The following ELP3 variants were observed in gnomAD, a reference collection of about 807,000 sequenced individuals.
The protein encoded by ELP3 is elongator complex protein 3.
Under a neutral mutation model 74.9 loss-of-function variants are expected in ELP3, and 56 were observed. The ratio of observed to expected loss-of-function variants is 0.75; its 90% CI spans 0.60 to 0.93. ELP3 has a LOEUF of 0.93. ELP3 is among the 40% of genes least tolerant of loss of function. ELP3 has a pLI of 0.00. For missense variants in ELP3, 573 were observed against 686.5 expected, an observed-to-expected ratio of 0.83 and a Z score of 1.85; for synonymous variants, 222 against 239.8, an observed-to-expected ratio of 0.93 and a Z score of 0.68.
chr8:28,152,014 T>G (rs1813659412), intron 10 of ELP3, among the ~76,000 whole-genome samples: 1 of 152,198 alleles, frequency 6.6e-6, no homozygotes, highest in African/African-American at 2.4e-5. Context: ...CTTACCTTAG[T>G]GTTGGTTTCT....
At chr8:28,106,600 C>CTTT (rs1811705550) in intron 3 of ELP3, 113 bp from the exon 4 acceptor site, 3 of 686,120 alleles carry the variant, frequency 4.4e-6, no homozygotes. Flanking sequence ...TTTGAAGCCC[C>CTTT]TTTTTGCCAC....
chr8:28,093,016 A>T (rs1811100272), upstream of ELP3: 14 of 837,442 alleles, frequency 1.7e-5, no homozygotes, highest in South Asian at 1.9e-4. Context: ...TAGGGGCCTC[A>T]CGGGCCGCCT....
chr8:28,139,102 G>A (rs1033504146), intron 10 of ELP3, among the ~76,000 whole-genome samples: 2 of 152,170 alleles, frequency 1.3e-5, no homozygotes, highest in Admixed American at 1.3e-4. Flanking sequence ...GAGGCGTGGT[G>A]CAGGCTGATG....
In ELP3 at chr8:28,190,104, AGT is replaced by A. The variant is rs1309495263; in HGVS notation, c.*380_*381del. ...TTGTCATTCGAGGAGCAAACTTAAG[AGT>A]AGTTTATTTATATACCCTGGGGACA... On this transcript the variant is annotated 3_prime_UTR_variant, in exon 15 of 15. Transcript: ENST00000256398. 5.8e-6 allele frequency: 1 copy of A among 172,198 alleles called. No individual in the cohort carries two copies. The highest frequency in any genetic ancestry group is 1.2e-5 in the Non-Finnish European group (1 of 80,702). 10.7% of individuals were successfully genotyped at this position (172,198 alleles called of 1,614,324 possible).
chr8:28,132,154 G>A, intron 8 of ELP3, 124 bp from the exon 9 acceptor site: 1 of 1,056,270 alleles, frequency 9.5e-7, no homozygotes, highest in Non-Finnish European at 1.4e-6. Context: ...TGGAACTTCT[G>A]TTACCTGTCT....
rs1365823464 is a variant in ELP3, at chr8:28,107,991, A to G, written c.393+15A>G. ...CTGGCTATGAGGTACAGTAACTTTG[A>G]GGCTGTCCTGATGAAATGTTGCATC... On this transcript the variant is annotated intron_variant, in intron 5 of 14. Transcript: ENST00000256398. 7 of 1,607,508 alleles carry G rather than the reference A, an allele frequency of 4.4e-6. No individual in the cohort carries two copies. The highest frequency in any genetic ancestry group is 6.0e-6 in the Non-Finnish European group (7 of 1,174,610).
intron 3 of ELP3, among the ~76,000 whole-genome samples, chr8:28,101,453 C>G (rs1811482425): frequency 6.6e-6 from 1 of 152,046 alleles, no homozygotes; most frequent in Non-Finnish European, 1.5e-5. Context: ...TTAAGAAAAA[C>G]TAATAGTCCA....
rs928980932 is a variant in ELP3, at chr8:28,190,237, A to G, written c.*512A>G. On this transcript the variant is annotated 3_prime_UTR_variant, in exon 15 of 15. Coordinates refer to ENST00000256398, the MANE Select transcript of ELP3 (RefSeq NM_018091.6). ...AAAATGAGCTTTTGTTTTCATGGAA[A>G]TCATTCTGATTACAGTGCTGATGTT... The G allele has an allele frequency of 6.5e-6, 1 of 153,474 alleles. No individual in the cohort carries two copies. Among genetic ancestry groups the G allele is most frequent in the Non-Finnish European group, 1.5e-5 (1 of 68,708 alleles). 9.5% of individuals were successfully genotyped at this position (153,474 alleles called of 1,614,324 possible).
At chr8:28,095,460 G>T (rs1811215610) in intron 1 of ELP3, among the ~76,000 whole-genome samples, 1 of 152,042 alleles carries the variant, frequency 6.6e-6, no homozygotes, top group South Asian at 2.1e-4. Context: ...CCCTTCCTCT[G>T]CCATGACCAC....
At position 28,093,177 on chromosome 8, in the gene ELP3, A is replaced by G. The variant is rs1029992354; in HGVS notation, c.-38A>G. 6 of 1,610,212 alleles carry G rather than the reference A, an allele frequency of 3.7e-6. No homozygotes were observed. The highest frequency in any genetic ancestry group is 1.3e-5 in the African/African-American group (1 of 74,992). On this transcript the variant is annotated 5_prime_UTR_variant, in exon 1 of 15. Transcript: ENST00000256398. Reference sequence around the variant, plus strand: ...CCCCGTGGTCTGAGTTTGTGGCTGCATTTTTATCTCTGGTGGCTCTGCTAC... The same window carrying G: ...CCCCGTGGTCTGAGTTTGTGGCTGCGTTTTTATCTCTGGTGGCTCTGCTAC...
intron 14 of ELP3, among the ~76,000 whole-genome samples, chr8:28,172,216 T>C (rs1254278199): frequency 6.6e-6 from 1 of 152,148 alleles, no homozygotes; most frequent in Non-Finnish European, 1.5e-5. Flanking sequence ...AGGGATTGCA[T>C]TGAATCTTTA....
Position 28,189,922 on chromosome 8 carries a change from T to G in ELP3, c.*197T>G. The G allele has an allele frequency of 1.9e-6, 1 of 516,232 alleles. No individual in the cohort carries two copies. Among genetic ancestry groups the G allele is most frequent in the Non-Finnish European group, 3.4e-6 (1 of 292,848 alleles). 32.0% of individuals were successfully genotyped at this position (516,232 alleles called of 1,614,324 possible). On this transcript the variant is annotated 3_prime_UTR_variant, in exon 15 of 15. Coordinates refer to ENST00000256398, the MANE Select transcript of ELP3 (RefSeq NM_018091.6). ...ACCACACCCCAGATCCGCCCTCTCC[T>G]GCGTGCACCCCAAAAAATCACTTGC... is the stretch of plus-strand genomic sequence containing the variant.
At chr8:28,173,427 C>G (rs1814612421) in intron 14 of ELP3, among the ~76,000 whole-genome samples, 1 of 151,826 alleles carries the variant, frequency 6.6e-6, no homozygotes, top group African/African-American at 2.4e-5. Context: ...ATTCTTATTT[C>G]TGTACAGTAA....
chr8:28,164,961 C>A (rs193019961), intron 14 of ELP3, among the ~76,000 whole-genome samples: 99 of 152,152 alleles, frequency 6.5e-4, no homozygotes, highest in Non-Finnish European at 8.2e-4. Context: ...GAATGAAAAT[C>A]TCTTTATGAC....
chr8:28,108,585 T>C (rs1811792948), intron 5 of ELP3, among the ~76,000 whole-genome samples: 1 of 151,186 alleles, frequency 6.6e-6, no homozygotes, highest in Non-Finnish European at 1.5e-5. Flanking sequence ...GCCTCCCGAG[T>C]AGCTGGGACT....
chr8:28,162,191 G>C lies in ELP3; in HGVS notation c.1567+113G>C, dbSNP rs1814124781. On this transcript the variant is annotated intron_variant, in intron 14 of 14. Transcript: ENST00000256398. ...GTTGATGGTTATTACGTTCAAAATT[G>C]AGCTGAGCTGACTGGCGAAGGACTT... 4.6e-6 allele frequency: 5 copies of C among 1,077,540 alleles called. No individual in the cohort carries two copies. The African/African-American group carries it at 4.7e-5, about 10-fold the overall frequency. The allele number at this position is 1,077,540 out of a possible 1,614,324, so 66.7% of individuals were successfully genotyped here. A position where few individuals can be genotyped will look rare whatever the true frequency, so the allele number is the denominator to read the frequency against.
In ELP3 at chr8:28,099,896, C is replaced by T; in HGVS notation, c.188C>T (p.Ala63Val). 6.2e-7 allele frequency: 1 copy of T among 1,614,186 alleles called. No homozygotes were observed. The highest frequency in any genetic ancestry group is 8.5e-7 in the Non-Finnish European group (1 of 1,180,036). The change falls in exon 3 of 15, where the codon GCC becomes GTC. Residue 63 changes from alanine to valine, a missense_variant. Coordinates refer to ENST00000256398, the MANE Select transcript of ELP3 (RefSeq NM_018091.6). The part of the protein sequence containing the change: ...AQPRLVDIIA[A>V]VPPQYRKVLM... ...CCCCGCCTGGTGGATATCATTGCTG[C>T]CGTCCCTCCTCAGTATCGCAAGGTC...
intron 14 of ELP3, among the ~76,000 whole-genome samples, chr8:28,170,454 C>T (rs1814476669): frequency 6.6e-6 from 1 of 152,196 alleles, no homozygotes. Flanking sequence ...AATACTCAGC[C>T]TGCACCTGAC....
At chr8:28,168,970 C>A (rs1429788354) in intron 14 of ELP3, among the ~76,000 whole-genome samples, 2 of 152,186 alleles carry the variant, frequency 1.3e-5, no homozygotes, top group Non-Finnish European at 2.9e-5. Flanking sequence ...TTAGAGATTT[C>A]TAATTCCAAC....
Sources: allele counts gnomAD v4.1 joint callset (sites outside exome capture counted in the v4.1 genomes callset), GRCh38; gene constraint gnomAD v4.1.1; transcripts MANE v1.5; gene names NCBI Gene and HGNC (gene_info 2026-07-23, HGNC 2026-07-21).